KHDRBS2: variants seen among roughly 807,000 people sequenced by gnomAD.
The protein encoded by KHDRBS2 is KH RNA binding domain containing, signal transduction associated 2.
In KHDRBS2, 26 loss-of-function variants were observed where a neutral mutation model predicts 44.3. The ratio of observed to expected loss-of-function variants is 0.59; its 90% CI spans 0.43 to 0.81. KHDRBS2 has a LOEUF of 0.81. Ranked by LOEUF, KHDRBS2 falls within the 40% of genes least tolerant of loss-of-function variation. The probability of loss-of-function intolerance (pLI) is 0.00; values close to 1 mark genes in which losing one functional copy is unlikely to be tolerated. For synonymous variants in KHDRBS2, 194 were observed against 151.1 expected (o/e 1.28, Z -2.08); for missense variants, 476 against 433.1 (o/e 1.10, Z -0.88).
chr6:61,806,382 C>T (rs1241322650), intron 6 of KHDRBS2, among the ~76,000 whole-genome samples: 3 of 152,080 alleles, frequency 2.0e-5, no homozygotes, highest in Admixed American at 2.0e-4. Context: ...CCTGAGAATA[C>T]ATAAAAATGG....
At position 62,026,556 on chromosome 6, in the gene KHDRBS2, G is replaced by A. The variant is rs114872190; in HGVS notation, c.336+21322C>T. 8.8e-3 allele frequency among the ~76,000 whole-genome samples: 1,327 copies of A among 151,264 alleles called. 11 individuals are homozygous for A. Among genetic ancestry groups the A allele is most frequent in the Non-Finnish European group, 0.015 (1,041 of 67,796 alleles). On this transcript the variant is annotated intron_variant, in intron 3 of 8. Transcript: ENST00000281156. The stretch of plus-strand genomic sequence containing the variant: ...CAAGCAGTCCTCCTACCTCAGCCTC[G>A]CAAGTAACTGGGATCACAGGCATGC...
intron 2 of KHDRBS2, among the ~76,000 whole-genome samples, chr6:62,051,043 T>C (rs1437146805): frequency 6.6e-6 from 1 of 152,074 alleles, no homozygotes; most frequent in Non-Finnish European, 1.5e-5. Flanking sequence ...TATTACAAAA[T>C]TCTAGCAGCA....
At chr6:61,750,188 A>G (rs796252704) in intron 6 of KHDRBS2, among the ~76,000 whole-genome samples, 10 of 152,332 alleles carry the variant, frequency 6.6e-5, no homozygotes, top group African/African-American at 2.2e-4. Context: ...ACAGAGATTG[A>G]CAAAAGCATC....
chr6:61,972,413 C>T (rs903319964), intron 4 of KHDRBS2, among the ~76,000 whole-genome samples: 4 of 152,072 alleles, frequency 2.6e-5, no homozygotes, highest in Admixed American at 6.6e-5. Context: ...TATCATAGTG[C>T]TATAGCACTA....
intron 1 of KHDRBS2, among the ~76,000 whole-genome samples, chr6:62,261,141 A>C (rs1838267426): frequency 6.6e-6 from 1 of 151,982 alleles, no homozygotes; most frequent in South Asian, 2.1e-4. Context: ...TTTAAGTAGC[A>C]TTAAGCAAAT....
intron 3 of KHDRBS2, among the ~76,000 whole-genome samples, chr6:62,020,905 T>C (rs1782155995): frequency 6.6e-6 from 1 of 152,008 alleles, no homozygotes; most frequent in South Asian, 2.1e-4. Flanking sequence ...ATACAAACCG[T>C]TGTATCATAA....
At chr6:61,587,746 A>T in the KHDRBS2 span, among the ~76,000 whole-genome samples, 1 of 152,144 alleles carries the variant, frequency 6.6e-6, no homozygotes, top group Non-Finnish European at 1.5e-5. Context: ...TGGTTACAGA[A>T]CATATCTTTA....
intron 1 of KHDRBS2, among the ~76,000 whole-genome samples, chr6:62,217,203 T>C (rs897442021): frequency 2.6e-5 from 4 of 151,770 alleles, no homozygotes; most frequent in African/African-American, 7.2e-5. Flanking sequence ...GAGCTGAGTC[T>C]TTCTCATGAA....
chr6:62,250,062 G>T (rs1035252479), intron 1 of KHDRBS2, among the ~76,000 whole-genome samples: 3 of 151,994 alleles, frequency 2.0e-5, no homozygotes, highest in African/African-American at 7.2e-5. Flanking sequence ...GCTTTAAGAT[G>T]ATAAATGGGA....
intron 4 of KHDRBS2, among the ~76,000 whole-genome samples, chr6:61,930,091 G>A (rs1809732338): frequency 3.3e-5 from 5 of 152,024 alleles, no homozygotes; most frequent in Non-Finnish European, 7.4e-5. Context: ...GGGGTTCATT[G>A]CCTTCCACCC....
chr6:62,121,000 G>A (rs994430399), intron 2 of KHDRBS2, among the ~76,000 whole-genome samples: 15 of 152,132 alleles, frequency 9.9e-5, no homozygotes, highest in African/African-American at 3.6e-4. Flanking sequence ...CATTCCAGGG[G>A]ACCAAAATGT....
At chr6:62,200,933 T>C (rs954864066) in intron 1 of KHDRBS2, among the ~76,000 whole-genome samples, 2 of 152,118 alleles carry the variant, frequency 1.3e-5, no homozygotes, top group Admixed American at 6.6e-5. Context: ...ATGTTCTTTG[T>C]AGGGGCATGG....
chr6:62,265,004 T>C (rs1399254326), intron 1 of KHDRBS2, among the ~76,000 whole-genome samples: 1 of 151,822 alleles, frequency 6.6e-6, no homozygotes, highest in African/African-American at 2.4e-5. Flanking sequence ...AATATGAAGA[T>C]ATGTTCTAAA....
the KHDRBS2 span, among the ~76,000 whole-genome samples, chr6:61,560,265 T>C: frequency 2.6e-5 from 4 of 152,174 alleles, no homozygotes; most frequent in Non-Finnish European, 5.9e-5. Context: ...AGAAGATTAA[T>C]AATTAAAGGC....
the KHDRBS2 span, among the ~76,000 whole-genome samples, chr6:61,606,115 A>G: frequency 3.9e-4 from 59 of 152,014 alleles, no homozygotes; most frequent in Admixed American, 4.6e-4. Context: ...TTTGACTGTA[A>G]TTTTCCACTA....
chr6:62,027,428 A>G (rs963621862), intron 3 of KHDRBS2, among the ~76,000 whole-genome samples: 6 of 152,110 alleles, frequency 3.9e-5, no homozygotes, highest in Non-Finnish European at 8.8e-5. Flanking sequence ...GAATTTTTTA[A>G]GTGGTAAAAG....
intron 6 of KHDRBS2, among the ~76,000 whole-genome samples, chr6:61,755,193 A>G (rs1778304682): frequency 6.6e-6 from 1 of 152,136 alleles, no homozygotes; most frequent in African/African-American, 2.4e-5. Context: ...GGGATTACCT[A>G]TAAAGTATTT....
intron 7 of KHDRBS2, among the ~76,000 whole-genome samples, chr6:61,722,983 A>G (rs1772932060): frequency 6.6e-6 from 1 of 152,134 alleles, no homozygotes; most frequent in African/African-American, 2.4e-5. Flanking sequence ...TGCTGGAATT[A>G]CAGGCATGAG....
chr6:62,106,812 C>G (rs1010835434), intron 2 of KHDRBS2, among the ~76,000 whole-genome samples: 29 of 152,058 alleles, frequency 1.9e-4, no homozygotes, highest in Non-Finnish European at 3.8e-4. Flanking sequence ...AAATGTAATC[C>G]AGCATATAAA....
Sources: allele counts gnomAD v4.1 joint callset (sites outside exome capture counted in the v4.1 genomes callset), GRCh38; gene constraint gnomAD v4.1.1; transcripts MANE v1.5; gene names NCBI Gene and HGNC (gene_info 2026-07-23, HGNC 2026-07-21).